HERPUD2: variants seen among roughly 807,000 people sequenced by gnomAD.
HERPUD2 encodes HERPUD family member 2.
Under a neutral mutation model 49.9 loss-of-function variants are expected in HERPUD2, and 13 were observed. The observed-to-expected ratio is 0.26, with a 90% CI of 0.17 to 0.41. The LOEUF is 0.41. HERPUD2 is among the 10% of genes least tolerant of loss of function. The pLI is 1.00. For synonymous variants in HERPUD2, 172 were observed against 171.4 expected (o/e 1.00, Z -0.03); for missense variants, 449 against 492.2 (o/e 0.91, Z 0.83).
At chr7:35,658,792 T>A (rs933744185) in intron 5 of HERPUD2, among the ~76,000 whole-genome samples, 4 of 152,232 alleles carry the variant, frequency 2.6e-5, no homozygotes, top group African/African-American at 9.6e-5. Context: ...CAGTCAAGAC[T>A]TACAAATGGA....
At chr7:35,682,593 G>A (rs1007740577) in intron 2 of HERPUD2, among the ~76,000 whole-genome samples, 3 of 151,068 alleles carry the variant, frequency 2.0e-5, no homozygotes, top group Non-Finnish European at 4.4e-5. Flanking sequence ...AGAAATAAAG[G>A]GCATCCAAAT....
intron 2 of HERPUD2, among the ~76,000 whole-genome samples, chr7:35,674,402 T>C (rs866221822): frequency 1.8e-5 from 1 of 54,450 alleles, no homozygotes; most frequent in African/African-American, 7.9e-5. Context: ...TATATATATA[T>C]ATAGAGAGAG....
At chr7:35,646,610 G>T (rs559911443) in intron 5 of HERPUD2, among the ~76,000 whole-genome samples, 6 of 152,200 alleles carry the variant, frequency 3.9e-5, no homozygotes, top group African/African-American at 1.4e-4. Context: ...AATACAAAAT[G>T]TTAAATTAAT....
At position 35,676,140 on chromosome 7, in the gene HERPUD2, A is replaced by G. The variant is rs146965109; in HGVS notation, c.148-2862T>C. Among the ~76,000 whole-genome samples, 331 of 152,330 alleles carry G rather than the reference A, an allele frequency of 2.2e-3. 3 individuals carry two copies. The highest frequency in any genetic ancestry group is 7.6e-3 in the African/African-American group (315 of 41,582). On this transcript the variant is annotated intron_variant, in intron 2 of 8. Transcript: ENST00000311350. ...ATCAGAATCCAAATAAGGTTCACAC[A>G]CAAAATTTGACTGTTATGCCTCTTT...
rs544572514 is a variant in HERPUD2, at chr7:35,694,610, T to C, written c.-280A>G. On this transcript the variant is annotated 5_prime_UTR_variant, in exon 2 of 9. Transcript: ENST00000311350. The stretch of plus-strand genomic sequence containing the variant: ...GCCGGGCTCCGGACTGTGGAGGCCG[T>C]CGTGAGGAGAAAGGAAGCTATACGA... 1.5e-4 allele frequency: 66 copies of C among 448,642 alleles called. No individual in the cohort carries two copies. The highest frequency in any genetic ancestry group is 8.4e-4 in the South Asian group (30 of 35,816). The allele number at this position is 448,642 out of a possible 1,614,324, so 27.8% of individuals were successfully genotyped here. A position where few individuals can be genotyped will look rare whatever the true frequency, so the allele number is the denominator to read the frequency against.
intron 2 of HERPUD2, among the ~76,000 whole-genome samples, chr7:35,683,016 A>G (rs147547158): frequency 0.013 from 1,957 of 152,260 alleles, 12 homozygotes; most frequent in Middle Eastern, 0.034. Flanking sequence ...CTACAAATTC[A>G]ACGCAATTCC....
intron 5 of HERPUD2, among the ~76,000 whole-genome samples, chr7:35,654,532 G>A (rs1178569571): frequency 6.8e-6 from 1 of 146,488 alleles, no homozygotes; most frequent in East Asian, 2.0e-4. Flanking sequence ...TGCCAAGATT[G>A]AATCAGGAAG....
chr7:35,682,383 AT>A (rs2116021402), intron 2 of HERPUD2, among the ~76,000 whole-genome samples: 2 of 134,324 alleles, frequency 1.5e-5, no homozygotes, highest in African/African-American at 2.8e-5. Flanking sequence ...ATATATATAT[AT>A]ATACTTAATC....
At chr7:35,636,808 T>C (rs1562666657) in intron 6 of HERPUD2, among the ~76,000 whole-genome samples, 2 of 152,096 alleles carry the variant, frequency 1.3e-5, no homozygotes, top group Admixed American at 1.3e-4. Context: ...GCTGCAGGAA[T>C]GACTGACTTA....
At chr7:35,656,412 C>G (rs1785276087) in intron 5 of HERPUD2, among the ~76,000 whole-genome samples, 6 of 151,744 alleles carry the variant, frequency 4.0e-5, no homozygotes. Context: ...CCAAAGCAAT[C>G]TATAAATTCA....
chr7:35,634,184 G>T, intron 8 of HERPUD2, 128 bp downstream of exon 8: 1 of 654,466 alleles, frequency 1.5e-6, no homozygotes. Flanking sequence ...CAATTTATAT[G>T]TTAGTTTTCT....
At chr7:35,642,799 G>A (rs543290116) in intron 5 of HERPUD2, among the ~76,000 whole-genome samples, 11 of 152,178 alleles carry the variant, frequency 7.2e-5, no homozygotes, top group South Asian at 2.1e-4. Context: ...ACACTTCAGC[G>A]TACTTGAGAG....
chr7:35,684,499 G>A (rs1785988094), intron 2 of HERPUD2, among the ~76,000 whole-genome samples: 1 of 149,886 alleles, frequency 6.7e-6, no homozygotes, highest in Non-Finnish European at 1.5e-5. Context: ...TCAACAAATG[G>A]ATAAAGAAAC....
intron 2 of HERPUD2, among the ~76,000 whole-genome samples, chr7:35,676,737 T>C (rs1450998976): frequency 6.6e-6 from 1 of 152,246 alleles, no homozygotes; most frequent in African/African-American, 2.4e-5. Flanking sequence ...TCACTCATTT[T>C]ATTTGTATCT....
At chr7:35,687,388 T>C (rs1393287892) in intron 2 of HERPUD2, among the ~76,000 whole-genome samples, 1 of 152,200 alleles carries the variant, frequency 6.6e-6, no homozygotes, top group Non-Finnish European at 1.5e-5. Context: ...GCAAATTCTA[T>C]CAGGTTCACT....
At chr7:35,662,864 T>C (rs138388559) in intron 5 of HERPUD2, among the ~76,000 whole-genome samples, 1,629 of 152,352 alleles carry the variant, frequency 0.011, 15 homozygotes, top group Non-Finnish European at 0.014. Context: ...TTTGTGTCTA[T>C]CTCCTTCAGT....
chr7:35,692,318 A>T (rs1267572390), intron 2 of HERPUD2, among the ~76,000 whole-genome samples: 2 of 152,146 alleles, frequency 1.3e-5, no homozygotes, highest in African/African-American at 4.8e-5. Context: ...ACTTTTTTTT[A>T]AAAAAGCTTT....
rs566267309 is a variant in HERPUD2 at position 35,685,254 on chromosome 7, A to C, written c.147+8930T>G. ...CTGTCTCAAAAAAAAAAAACAGAAAAGAAAACAGAAACATTATTAATTTTT... is the reference window on the plus strand; with the variant it reads ...CTGTCTCAAAAAAAAAAAACAGAAACGAAAACAGAAACATTATTAATTTTT... On this transcript the variant is annotated intron_variant, in intron 2 of 8. Transcript: ENST00000311350. Among the ~76,000 whole-genome samples the C allele has an allele frequency of 2.6e-5, 4 of 151,600 alleles. No homozygotes were observed. The South Asian group carries it at 8.3e-4, about 31-fold the overall frequency.
At position 35,635,379 on chromosome 7, in the gene HERPUD2, G is replaced by A; in HGVS notation, c.697C>T (p.His233Tyr). ...PTTSQPLNLA[H>Y]VPGEEPPPAP... is the part of the protein sequence containing the mutation. ...GGTGGGGGTTCTTCTCCAGGAACAT[G>A]TGCCAAATTTAGAGGCTGTGAAGTA... The change falls in exon 7 of 9, where the codon CAT becomes TAT. Residue 233 changes from histidine to tyrosine, a missense_variant. Coordinates refer to ENST00000311350, the MANE Select transcript of HERPUD2 (RefSeq NM_022373.5). The A allele has an allele frequency of 1.9e-6, 3 of 1,614,072 alleles. No individual in the cohort carries two copies. Among genetic ancestry groups the A allele is most frequent in the East Asian group, 2.2e-5 (1 of 44,884 alleles).
Sources: gnomAD v4.1 joint callset for allele counts (sites outside exome capture counted in the v4.1 genomes callset) on GRCh38, gnomAD v4.1.1 for gene constraint, MANE v1.5 for transcripts, NCBI Gene and HGNC (gene_info 2026-07-23, HGNC 2026-07-21) for gene names.